The following THEMIS variants were observed in gnomAD, a reference collection of about 807,000 sequenced individuals.
THEMIS encodes the protein thymocyte selection associated, also known as protein THEMIS.
THEMIS carries 37 observed loss-of-function variants against 52.6 expected under a neutral mutation model. The ratio of observed to expected loss-of-function variants is 0.70; its 90% confidence interval spans 0.54 to 0.93. The LOEUF is 0.93. Among genes scored for constraint, THEMIS ranks in the 40% least tolerant of loss-of-function variants. The probability of loss-of-function intolerance (pLI) is 0.00; values close to 1 mark genes in which losing one functional copy is unlikely to be tolerated. For missense variants in THEMIS, 808 were observed against 763.1 expected (o/e 1.06, Z -0.69); for synonymous variants, 292 against 272.7 (o/e 1.07, Z -0.70).
chr6:127,787,395 G>A (rs555893940), intron 4 of THEMIS, among the ~76,000 whole-genome samples: 39 of 152,064 alleles, frequency 2.6e-4, no homozygotes, highest in Admixed American at 2.1e-3. Context: ...CACTAGGTCC[G>A]CCAAGATGAA....
intron 4 of THEMIS, among the ~76,000 whole-genome samples, chr6:127,736,758 A>C (rs186912093): frequency 6.6e-6 from 1 of 151,236 alleles, no homozygotes; most frequent in African/African-American, 2.4e-5. Flanking sequence ...CTCCTAATGT[A>C]GTCTGAGGTG....
intron 4 of THEMIS, among the ~76,000 whole-genome samples, chr6:127,773,075 T>C (rs1776441028): frequency 6.6e-6 from 1 of 152,190 alleles, no homozygotes; most frequent in African/African-American, 2.4e-5. Context: ...ACTTTTTGCA[T>C]GATTTTGAGG....
At chr6:127,903,557 G>GATATATTTTAAAATTAAATTTAA (rs1781198921), upstream of THEMIS, among the ~76,000 whole-genome samples, 4 of 151,844 alleles carry the variant, frequency 2.6e-5, no homozygotes, top group Admixed American at 1.3e-4. Context: ...ATTAAAGTTA[G>GATATATTTTAAAATTAAATTTAA]ATACATTTTA....
downstream of THEMIS, among the ~76,000 whole-genome samples, chr6:127,703,620 TA>T (rs1055411508): frequency 5.3e-5 from 8 of 152,178 alleles, no homozygotes; most frequent in Non-Finnish European, 1.0e-4. Context: ...AGTACCTTGC[TA>T]GTCACCTAAA....
intron 4 of THEMIS, among the ~76,000 whole-genome samples, chr6:127,742,353 C>CA (rs964702157): frequency 1.3e-4 from 17 of 135,690 alleles, no homozygotes; most frequent in Middle Eastern, 7.7e-3. Context: ...AACAAAAAAA[C>CA]AAAAAAACAA....
chr6:127,735,393 T>G (rs1774970909), intron 4 of THEMIS, among the ~76,000 whole-genome samples: 1 of 152,150 alleles, frequency 6.6e-6, no homozygotes, highest in Non-Finnish European at 1.5e-5. Flanking sequence ...CAACTTCAGC[T>G]TTCCTGAACT....
intron 1 of THEMIS, among the ~76,000 whole-genome samples, chr6:127,856,695 A>G (rs1466142551): frequency 6.6e-6 from 1 of 151,840 alleles, no homozygotes; most frequent in Non-Finnish European, 1.5e-5. Context: ...TATTTCCATA[A>G]CCCTCTCCTT....
chr6:127,792,778 C>T (rs1045794841), intron 4 of THEMIS, among the ~76,000 whole-genome samples: 3 of 152,178 alleles, frequency 2.0e-5, no homozygotes, highest in African/African-American at 4.8e-5. Flanking sequence ...TAAAGAACAG[C>T]TTCAATCAGG....
intron 3 of THEMIS, among the ~76,000 whole-genome samples, chr6:127,818,407 G>A (rs568918642): frequency 6.6e-6 from 1 of 152,142 alleles, no homozygotes; most frequent in African/African-American, 2.4e-5. Flanking sequence ...GGAGTCTCTA[G>A]AGACTAAAGT....
rs58263706 is a variant in THEMIS at position 127,731,864 on chromosome 6, A to ATTTTTTTTTTTTTTTTTTT, written c.1759-12060_1759-12042dup. Among the ~76,000 whole-genome samples, 18 of 41,714 alleles carry ATTTTTTTTTTTTTTTTTTT rather than the reference A, an allele frequency of 4.3e-4. 3 individuals carry two copies. Among genetic ancestry groups the ATTTTTTTTTTTTTTTTTTT allele is most frequent in the African/African-American group, 1.3e-3 (12 of 9,488 alleles). The allele number at this position is 41,714 out of a possible 152,430, so 27.4% of individuals were successfully genotyped here. A position where few individuals can be genotyped will look rare whatever the true frequency, so the allele number is the denominator to read the frequency against. ...AGGTGCATGCCACCATGCCCGGCTA[A>ATTTTTTTTTTTTTTTTTTT]TTTTTTTTTTTTTTTTTTTTTTTAG... On this transcript the variant is annotated intron_variant, in intron 4 of 5. Coordinates refer to ENST00000368248, the MANE Select transcript of THEMIS (RefSeq NM_001010923.3).
chr6:127,916,001 A>C (rs1781518020), intron 1 of THEMIS, among the ~76,000 whole-genome samples: 1 of 152,002 alleles, frequency 6.6e-6, no homozygotes, highest in Non-Finnish European at 1.5e-5. Flanking sequence ...CTAATAATAA[A>C]AGAAAAAAGA....
chr6:127,715,222 A>G (rs1452635504), intron 5 of THEMIS, among the ~76,000 whole-genome samples: 3 of 151,946 alleles, frequency 2.0e-5, no homozygotes, highest in Non-Finnish European at 4.4e-5. Context: ...AATAAATTCT[A>G]CTAATATCGT....
intron 1 of THEMIS, among the ~76,000 whole-genome samples, chr6:127,893,511 T>C (rs1022025783): frequency 6.6e-6 from 1 of 152,152 alleles, no homozygotes; most frequent in Admixed American, 6.6e-5. Flanking sequence ...TTATAACTTA[T>C]CCAAGAGGCA....
chr6:127,715,743 C>T (rs1012810153), intron 5 of THEMIS, among the ~76,000 whole-genome samples: 9 of 151,808 alleles, frequency 5.9e-5, no homozygotes, highest in East Asian at 3.9e-4. Context: ...GGATCTTAGA[C>T]AGGGTGAATC....
chr6:127,716,652 G>C (rs1774173232), intron 5 of THEMIS, among the ~76,000 whole-genome samples: 1 of 151,876 alleles, frequency 6.6e-6, no homozygotes, highest in Non-Finnish European at 1.5e-5. Context: ...CTGTTCCTGG[G>C]AGCACTTTCC....
rs1205370252 is a variant in THEMIS at position 127,709,869 on chromosome 6, G to T, written c.*116C>A. ...AGGTTGTTCTTTCCTTTGCAGCGATGAATCAAGTTTCTTCTGGAGTCCATT... is the reference window on the plus strand; with the variant it reads ...AGGTTGTTCTTTCCTTTGCAGCGATTAATCAAGTTTCTTCTGGAGTCCATT... On this transcript the variant is annotated 3_prime_UTR_variant, in exon 6 of 6. Transcript: ENST00000368248. 40 of 847,584 alleles carry T rather than the reference G, an allele frequency of 4.7e-5. No homozygotes were observed. Among genetic ancestry groups the T allele is most frequent in the Non-Finnish European group, 6.3e-5 (34 of 542,634 alleles). 52.5% of individuals were successfully genotyped at this position (847,584 alleles called of 1,614,324 possible).
chr6:127,769,352 G>GTTTTTTTTTTTTTTT (rs200806423), intron 4 of THEMIS, among the ~76,000 whole-genome samples: 2 of 139,984 alleles, frequency 1.4e-5, no homozygotes. Flanking sequence ...GTTTTTTTTT[G>GTTTTTTTTTTTTTTT]TTTTTTTTTT....
At chr6:127,731,864 A>ATTTTTTTTTTTTTTTGTTTTTTTTTTT (rs1774814344) in intron 4 of THEMIS, among the ~76,000 whole-genome samples, 1 of 41,704 alleles carries the variant, frequency 2.4e-5, no homozygotes, top group Non-Finnish European at 3.8e-5. Context: ...TGCCCGGCTA[A>ATTTTTTTTTTTTTTTGTTTTTTTTTTT]TTTTTTTTTT....
rs576578416 is a variant in THEMIS, at chr6:127,908,903, C to A, written c.-149-7822G>T. Among the ~76,000 whole-genome samples the A allele has an allele frequency of 1.3e-4, 20 of 151,918 alleles. No homozygotes were observed. The East Asian group carries it at 3.3e-3, about 25-fold the overall frequency. On this transcript the variant is annotated intron_variant, in intron 1 of 6. Transcript: ENST00000368250. The stretch of plus-strand genomic sequence containing the variant: ...CTAACATTTTAGAGCCTCACAGAAA[C>A]AATTCAGTCCTGTATTATTAAAAGT...
Sources: gnomAD v4.1 joint callset for allele counts (sites outside exome capture counted in the v4.1 genomes callset) on GRCh38, gnomAD v4.1.1 for gene constraint, MANE v1.5 for transcripts, NCBI Gene and HGNC (gene_info 2026-07-23, HGNC 2026-07-21) for gene names.